SH2D6: variants seen among roughly 807,000 people sequenced by gnomAD.
SH2D6 encodes SH2 domain-containing protein 6.
Under a neutral mutation model 30.2 loss-of-function variants are expected in SH2D6, and 31 were observed. The observed-to-expected ratio is 1.03, with a 90% CI of 0.77 to 1.38. SH2D6 has a LOEUF of 1.38. SH2D6 is among the 40% of genes most tolerant of loss of function. The pLI, the probability that SH2D6 is intolerant of heterozygous loss-of-function variation, is 0.00. For synonymous variants in SH2D6, 93 were observed against 104.6 expected (o/e 0.89, Z 0.68); for missense variants, 240 against 266.8 (o/e 0.90, Z 0.70).
chr2:85,435,698 GC>G lies in SH2D6; in HGVS notation c.767del (p.Pro256LeufsTer94). The G allele has an allele frequency of 6.2e-7, 1 of 1,612,904 alleles. No homozygotes were observed. The highest frequency in any genetic ancestry group is 8.5e-7 in the Non-Finnish European group (1 of 1,179,558). On this transcript the variant is annotated frameshift_variant, in exon 22 of 24. Transcript: ENST00000469800. LOFTEE classifies it high-confidence loss of function. The part of the protein sequence containing the change: ...GAYTVRPSSG[P>X]HGSQPFTLAV... ...CCTATACCGTGCGCCCCAGCTCAGG[GC>G]CTCATGGCTCCCAGCCCTTCACCCT...
chr2:85,420,085 C>T (rs1179525566), intron 2 of SH2D6, among the ~76,000 whole-genome samples: 18 of 151,612 alleles, frequency 1.2e-4, no homozygotes, highest in Admixed American at 3.9e-4. Flanking sequence ...AATAAGAGCC[C>T]GTTCTGTTTT....
chr2:85,435,395 G>T lies in SH2D6; in HGVS notation c.649-18G>T. ...TGAGTGCCCTGGCATGTTTCTGAGT[G>T]ACTGTGTGTATGCACAGGACAGTGA... is the stretch of plus-strand genomic sequence containing the variant. On this transcript the variant is annotated intron_variant, in intron 20 of 23. Coordinates refer to ENST00000469800, the MANE Select transcript of SH2D6 (RefSeq NM_001394463.1). 1 of 1,611,582 alleles carries T rather than the reference G, an allele frequency of 6.2e-7. No individual in the cohort carries two copies. Among genetic ancestry groups the T allele is most frequent in the South Asian group, 1.1e-5 (1 of 90,792 alleles).
rs72831579 is a variant in SH2D6, at chr2:85,422,634, G to A, written c.-365G>A. The A allele has an allele frequency of 4.4e-3, 667 of 152,526 alleles. 2 individuals carry two copies. The highest frequency in any genetic ancestry group is 8.7e-3 in the South Asian group (42 of 4,820). The allele number at this position is 152,526 out of a possible 1,614,324, so 9.4% of individuals were successfully genotyped here. A position where few individuals can be genotyped will look rare whatever the true frequency, so the allele number is the denominator to read the frequency against. On this transcript the variant is annotated 5_prime_UTR_variant, in exon 5 of 24. The change creates a new upstream start codon in the 5' untranslated region. Transcript: ENST00000469800. The stretch of plus-strand genomic sequence containing the variant: ...TCACTCAAGGGTTTTAGGCAGAGCC[G>A]TGACACAACCAGAGATACTACGAGC...
Position 85,435,430 on chromosome 2 carries a change from T to C in SH2D6, c.666T>C (p.Thr222=). 1 of 1,613,878 alleles carries C rather than the reference T, an allele frequency of 6.2e-7. No homozygotes were observed. The highest frequency in any genetic ancestry group is 1.3e-5 in the African/African-American group (1 of 75,054). Residue 222 remains threonine (T), a synonymous_variant, in exon 21 of 24, where the codon ACT becomes ACC. Coordinates refer to ENST00000469800, the MANE Select transcript of SH2D6 (RefSeq NM_001394463.1). ...ATGCACAGGACAGTGATCTGCTGAC[T>C]CAGCCTTGGTACTCGGGGAACTGTG... ...ASAAEDSDLL[T]QPWYSGNCDR...
At chr2:85,433,828 G>A (rs1330124650) in intron 16 of SH2D6, among the ~76,000 whole-genome samples, 197 bp downstream of exon 16, 4 of 152,238 alleles carry the variant, frequency 2.6e-5, no homozygotes, top group Admixed American at 2.6e-4. Flanking sequence ...GCCAGCAAGG[G>A]AGGTGCTCCC....
At chr2:85,432,670 G>T (rs1362092470) in intron 14 of SH2D6, among the ~76,000 whole-genome samples, 3 of 152,162 alleles carry the variant, frequency 2.0e-5, no homozygotes, top group Non-Finnish European at 2.9e-5. Context: ...AAAGTGCTGG[G>T]ATTACAGGCG....
chr2:85,434,419 C>T (rs1477298153), intron 18 of SH2D6, 49 bp downstream of exon 18: 1 of 1,550,540 alleles, frequency 6.4e-7, no homozygotes. Flanking sequence ...GGGAGGGAGG[C>T]TCAGGGTGGG....
intron 23 of SH2D6, 110 bp downstream of exon 23, chr2:85,436,704 G>A: frequency 1.2e-6 from 1 of 838,022 alleles, no homozygotes; most frequent in Admixed American, 1.9e-5. Flanking sequence ...GTGCCCACAA[G>A]CAGCATTAAT....
chr2:85,422,101 C>T (rs184645235), intron 2 of SH2D6, 102 bp from the exon 3 acceptor site: 1 of 151,992 alleles, frequency 6.6e-6, no homozygotes, highest in Non-Finnish European at 1.5e-5. Flanking sequence ...AGGATATTGC[C>T]ATTTTGGGGG....
In SH2D6 at chr2:85,436,545, G is replaced by A. The variant is rs755907033; in HGVS notation, c.971G>A (p.Arg324Gln). ...LPLVDRHSGS[R>Q]ELTCLLFPTK... ...CTTGTGGACAGACACAGCGGCAGCC[G>A]GGAACTCACCTGCCTGCTCTTCCCC... is the stretch of plus-strand genomic sequence containing the variant. Residue 324 changes from arginine to glutamine, a missense_variant, in exon 23 of 24, where the codon CGG (arginine) becomes CAG (glutamine). By Grantham distance (43) the Arg-to-Gln change is conservative. Transcript: ENST00000469800. 10 of 1,613,532 alleles carry A rather than the reference G, an allele frequency of 6.2e-6. No individual in the cohort carries two copies. Among genetic ancestry groups the A allele is most frequent in the East Asian group, 2.2e-5 (1 of 44,894 alleles).
At chr2:85,433,969 C>T (rs1689078939) in intron 16 of SH2D6, 64 bp from the exon 17 acceptor site, 3 of 1,390,422 alleles carry the variant, frequency 2.2e-6, no homozygotes, top group Non-Finnish European at 3.0e-6. Context: ...TCAGCCCTGC[C>T]CTGGTCAGCA....
chr2:85,428,102 C>T (rs916546598), intron 6 of SH2D6, among the ~76,000 whole-genome samples: 2 of 152,204 alleles, frequency 1.3e-5, no homozygotes, highest in Non-Finnish European at 2.9e-5. Context: ...AGACACCAGG[C>T]CCCAGCCCTC....
chr2:85,436,831 C>T lies in SH2D6; in HGVS notation c.*13-6C>T, dbSNP rs1358367542. On this transcript the variant is annotated splice_polypyrimidine_tract_variant and splice_region_variant and intron_variant, in intron 23 of 23. Coordinates refer to ENST00000469800, the MANE Select transcript of SH2D6 (RefSeq NM_001394463.1). ...CCAAGGCTGACACCCTCTTCCTGGC[C>T]TCCAGGAATGCAGGTGTCTGCCCAG... 6 of 471,752 alleles carry T rather than the reference C, an allele frequency of 1.3e-5. No individual in the cohort carries two copies. Among genetic ancestry groups the T allele is most frequent in the Non-Finnish European group, 2.3e-5 (6 of 256,046 alleles). 29.2% of individuals were successfully genotyped at this position (471,752 alleles called of 1,614,324 possible).
intron 6 of SH2D6, among the ~76,000 whole-genome samples, chr2:85,425,753 T>C (rs1447045665): frequency 6.6e-6 from 1 of 152,204 alleles, no homozygotes; most frequent in African/African-American, 2.4e-5. Flanking sequence ...CTGATACCAC[T>C]GTTTGCCAAT....
chr2:85,427,104 CACT>C (rs1447569185), intron 6 of SH2D6, among the ~76,000 whole-genome samples: 3 of 152,172 alleles, frequency 2.0e-5, no homozygotes. Flanking sequence ...ATCTAAACAC[CACT>C]GTGTGTTTTC....
intron 6 of SH2D6, among the ~76,000 whole-genome samples, chr2:85,426,395 C>T (rs1163926943): frequency 6.6e-6 from 1 of 152,150 alleles, no homozygotes; most frequent in Non-Finnish European, 1.5e-5. Flanking sequence ...CTTGGGGAAA[C>T]AGAATCTCTC....
At chr2:85,436,810 G>A (rs570358379) in intron 23 of SH2D6, 27 bp from the exon 24 acceptor site, 2 of 511,872 alleles carry the variant, frequency 3.9e-6, no homozygotes, top group Non-Finnish European at 7.1e-6. Flanking sequence ...GCCTCTCCAA[G>A]GCTGACACCC....
intron 12 of SH2D6, 76 bp from the exon 13 acceptor site, chr2:85,431,134 C>G (rs11685733): frequency 0.55 from 63,957 of 115,690 alleles, 14,506 homozygotes; most frequent in African/African-American, 0.7. Flanking sequence ...GGAGGCTGGT[C>G]GGGGGGAGGC....
Position 85,436,790 on chromosome 2 carries a change from CCT to C in SH2D6, c.*13-42_*13-41del, listed in dbSNP as rs1382086153. The C allele has an allele frequency of 1.3e-5, 7 of 544,870 alleles. No homozygotes were observed. In the African/African-American group the frequency reaches 1.3e-4, roughly 10 times the overall value. 33.8% of individuals were successfully genotyped at this position (544,870 alleles called of 1,614,324 possible). A position where few individuals can be genotyped will look rare whatever the true frequency, so the allele number is the denominator to read the frequency against. On this transcript the variant is annotated intron_variant, in intron 23 of 23. Coordinates refer to ENST00000469800, the MANE Select transcript of SH2D6 (RefSeq NM_001394463.1). ...ATGCTCACCTAGAGCCTTCCACTGC[CCT>C]CTCTGTTGCCTCTCCAAGGCTGACA... is the stretch of plus-strand genomic sequence containing the variant.
Sources: allele counts gnomAD v4.1 joint callset (sites outside exome capture counted in the v4.1 genomes callset), GRCh38; gene constraint gnomAD v4.1.1; transcripts MANE v1.5; gene names NCBI Gene and HGNC (gene_info 2026-07-23, HGNC 2026-07-21).